ADGRL3: variants seen among roughly 807,000 people sequenced by gnomAD.
ADGRL3 encodes adhesion G protein-coupled receptor L3.
A neutral mutation model predicts 153.5 loss-of-function variants in ADGRL3; 62 were observed. That is an observed-to-expected ratio of 0.40 (90% CI 0.33 to 0.50). The LOEUF is 0.50. Ranked by LOEUF, ADGRL3 falls within the 20% of genes least tolerant of loss-of-function variation. The pLI, the probability that ADGRL3 is intolerant of heterozygous loss-of-function variation, is 0.47. For missense variants in ADGRL3, 1,641 were observed against 1,859.4 expected, an observed-to-expected ratio of 0.88 and a Z score of 2.16; for synonymous variants, 710 against 672.5, an observed-to-expected ratio of 1.06 and a Z score of -0.86.
At chr4:61,969,328 A>C (rs2099018399) in intron 17 of ADGRL3, among the ~76,000 whole-genome samples, 1 of 149,406 alleles carries the variant, frequency 6.7e-6, no homozygotes, top group South Asian at 2.2e-4. Flanking sequence ...GTTTTGATTG[A>C]CTTACAAAAA....
intron 2 of ADGRL3, among the ~76,000 whole-genome samples, chr4:61,487,661 C>A (rs765549447): frequency 6.6e-6 from 1 of 151,918 alleles, no homozygotes; most frequent in African/African-American, 2.4e-5. Context: ...TCTTAAATGG[C>A]ATATTGTTAA....
rs929714267 is a variant in ADGRL3, at chr4:61,432,659, T to C, written c.-174+49470T>C. ...CTTTCTTTCTTTCTTTCTTTCTTTTTTTTTTTTTTTTGAGACAGAATTTCA... is the reference window on the plus strand; with the variant it reads ...CTTTCTTTCTTTCTTTCTTTCTTTTCTTTTTTTTTTTGAGACAGAATTTCA... On this transcript the variant is annotated intron_variant, in intron 2 of 26. Transcript: ENST00000683033. 1.2e-3 allele frequency among the ~76,000 whole-genome samples: 163 copies of C among 140,354 alleles called. 15 individuals are homozygous for C. Among genetic ancestry groups the C allele is most frequent in the Non-Finnish European group, 2.0e-3 (132 of 65,340 alleles). 92.1% of individuals were successfully genotyped at this position (140,354 alleles called of 152,430 possible).
chr4:61,219,547 G>A (rs1023498569), intron 1 of ADGRL3, among the ~76,000 whole-genome samples: 7 of 152,190 alleles, frequency 4.6e-5, no homozygotes, highest in Non-Finnish European at 8.8e-5. Flanking sequence ...TTCCTGTTTC[G>A]ATGATACCTG....
At chr4:61,362,351 C>A (rs2096298781) in intron 1 of ADGRL3, among the ~76,000 whole-genome samples, 1 of 151,286 alleles carries the variant, frequency 6.6e-6, no homozygotes, top group Non-Finnish European at 1.5e-5. Flanking sequence ...TATATACACA[C>A]ACACACATAT....
intron 21 of ADGRL3, among the ~76,000 whole-genome samples, chr4:62,003,787 T>G (rs1166401620): frequency 6.6e-6 from 1 of 152,122 alleles, no homozygotes; most frequent in Non-Finnish European, 1.5e-5. Flanking sequence ...CCTTTCTTTT[T>G]TTAAGCCAAA....
At chr4:61,744,622 T>C (rs1266250019) in intron 8 of ADGRL3, among the ~76,000 whole-genome samples, 1 of 152,156 alleles carries the variant, frequency 6.6e-6, no homozygotes, top group Admixed American at 6.5e-5. Context: ...AGTGGACTTC[T>C]AGAAAACTCC....
chr4:61,892,395 T>G (rs2098595232), intron 9 of ADGRL3, among the ~76,000 whole-genome samples: 1 of 152,144 alleles, frequency 6.6e-6, no homozygotes, highest in Non-Finnish European at 1.5e-5. Context: ...TAATTTTGTT[T>G]CTGGGATTTG....
At chr4:61,726,624 G>T (rs181808663) in intron 6 of ADGRL3, among the ~76,000 whole-genome samples, 1 of 151,940 alleles carries the variant, frequency 6.6e-6, no homozygotes, top group African/African-American at 2.4e-5. Flanking sequence ...TTCTTATTTT[G>T]CCTTTCTGCC....
intron 9 of ADGRL3, among the ~76,000 whole-genome samples, chr4:61,865,538 G>A (rs2098392130): frequency 6.6e-6 from 1 of 152,068 alleles, no homozygotes; most frequent in East Asian, 1.9e-4. Flanking sequence ...CTCCTCCTTT[G>A]CACCACAAAC....
intron 5 of ADGRL3, among the ~76,000 whole-genome samples, chr4:61,669,473 C>T (rs1331979227): frequency 2.0e-5 from 3 of 152,090 alleles, no homozygotes; most frequent in African/African-American, 7.2e-5. Context: ...TGCATTCCAT[C>T]CTGAGAACTA....
chr4:61,886,750 T>G (rs2098541654), intron 9 of ADGRL3, among the ~76,000 whole-genome samples: 1 of 151,920 alleles, frequency 6.6e-6, no homozygotes, highest in Non-Finnish European at 1.5e-5. Context: ...CAGGCAATTC[T>G]CCTGCCTCAG....
chr4:61,627,697 A>C (rs1157803820), intron 5 of ADGRL3, among the ~76,000 whole-genome samples: 2 of 152,154 alleles, frequency 1.3e-5, no homozygotes, highest in Non-Finnish European at 2.9e-5. Context: ...GGAATTACAA[A>C]AGACTGCATT....
intron 3 of ADGRL3, among the ~76,000 whole-genome samples, chr4:61,505,151 T>C (rs901097218): frequency 3.9e-5 from 6 of 152,150 alleles, no homozygotes; most frequent in African/African-American, 1.4e-4. Context: ...ATTTTAACTG[T>C]GGGAGATGAT....
chr4:61,700,318 A>T (rs2095731746), intron 6 of ADGRL3, among the ~76,000 whole-genome samples: 1 of 152,190 alleles, frequency 6.6e-6, no homozygotes, highest in African/African-American at 2.4e-5. Context: ...ATGAAAAAAA[A>T]TTTAATTCAA....
chr4:62,072,224 T>C lies in ADGRL3; in HGVS notation c.*1316T>C. 6.6e-6 allele frequency: 1 copy of C among 152,370 alleles called. No homozygotes were observed. The highest frequency in any genetic ancestry group is 1.5e-5 in the Non-Finnish European group (1 of 67,942). The allele number at this position is 152,370 out of a possible 1,614,324, so 9.4% of individuals were successfully genotyped here. A position where few individuals can be genotyped will look rare whatever the true frequency, so the allele number is the denominator to read the frequency against. ...TCAAATTATTTTGAAGTGATTTTTT[T>C]AAAAAAAAGTCTTCTGTTTATTAAC... is the stretch of plus-strand genomic sequence containing the variant. On this transcript the variant is annotated 3_prime_UTR_variant, in exon 27 of 27. Coordinates refer to ENST00000683033, the MANE Select transcript of ADGRL3 (RefSeq NM_001387552.1).
At chr4:61,602,110 T>C (rs983710622) in intron 5 of ADGRL3, among the ~76,000 whole-genome samples, 13 of 150,980 alleles carry the variant, frequency 8.6e-5, no homozygotes, top group Non-Finnish European at 1.2e-4. Flanking sequence ...TAAAATGACC[T>C]CCCTGTCTTA....
intron 4 of ADGRL3, among the ~76,000 whole-genome samples, chr4:61,574,823 T>C (rs2098860582): frequency 6.6e-6 from 1 of 151,882 alleles, no homozygotes; most frequent in Non-Finnish European, 1.5e-5. Context: ...TTTTAGGATT[T>C]ACTGTTTTTG....
intron 8 of ADGRL3, among the ~76,000 whole-genome samples, chr4:61,754,656 A>G (rs891936885): frequency 5.3e-5 from 8 of 152,012 alleles, no homozygotes; most frequent in Non-Finnish European, 1.0e-4. Flanking sequence ...TCTAGGGTAC[A>G]TGTGCACAAT....
intron 8 of ADGRL3, among the ~76,000 whole-genome samples, chr4:61,795,934 C>A (rs1400604160): frequency 6.6e-6 from 1 of 152,136 alleles, no homozygotes; most frequent in Non-Finnish European, 1.5e-5. Context: ...CCTCTGCCCA[C>A]CAGGTTCAAG....
Sources: gnomAD v4.1 joint callset for allele counts (sites outside exome capture counted in the v4.1 genomes callset) on GRCh38, gnomAD v4.1.1 for gene constraint, MANE v1.5 for transcripts, NCBI Gene and HGNC (gene_info 2026-07-23, HGNC 2026-07-21) for gene names.